Variants in CPPED1 observed in about 807,000 individuals in gnomAD.
CPPED1 encodes the protein calcineurin like phosphoesterase domain containing 1.
A neutral mutation model predicts 28.0 loss-of-function variants in CPPED1; 28 were observed. The ratio of observed to expected loss-of-function variants is 1.00; its 90% confidence interval spans 0.74 to 1.37. CPPED1 has a LOEUF of 1.37. Ranked by LOEUF, CPPED1 falls within the 40% of genes most tolerant of loss-of-function variation. The pLI, the probability that CPPED1 is intolerant of heterozygous loss-of-function variation, is 0.00. For missense variants in CPPED1, 504 were observed against 416.5 expected, an observed-to-expected ratio of 1.21 and a Z score of -1.83; for synonymous variants, 198 against 180.2, an observed-to-expected ratio of 1.10 and a Z score of -0.79.
chr16:12,740,551 C>T (rs1413399094), intron 2 of CPPED1, among the ~76,000 whole-genome samples: 1 of 152,014 alleles, frequency 6.6e-6, no homozygotes, highest in Admixed American at 6.6e-5. Context: ...TGGAGTTTAC[C>T]GTCTACTGGG....
At chr16:12,800,039 T>C (rs1490484371) in intron 1 of CPPED1, among the ~76,000 whole-genome samples, 1 of 152,178 alleles carries the variant, frequency 6.6e-6, no homozygotes, top group Non-Finnish European at 1.5e-5. Flanking sequence ...GGTGGCCCCC[T>C]GGCAGCTGCA....
chr16:12,778,142 T>C (rs911242241), intron 2 of CPPED1, among the ~76,000 whole-genome samples: 2 of 151,908 alleles, frequency 1.3e-5, no homozygotes, highest in Admixed American at 1.3e-4. Context: ...ACTCCTGACC[T>C]CAAGTGATCC....
chr16:12,796,853 T>C (rs897490569), intron 1 of CPPED1, among the ~76,000 whole-genome samples: 7 of 151,600 alleles, frequency 4.6e-5, no homozygotes, highest in East Asian at 1.9e-4. Flanking sequence ...AAAAAAAAAA[T>C]GTCCAAATGT....
At chr16:12,736,841 C>T (rs1271374281) in intron 2 of CPPED1, among the ~76,000 whole-genome samples, 3 of 152,010 alleles carry the variant, frequency 2.0e-5, no homozygotes, top group African/African-American at 4.8e-5. Context: ...CTAAGTGTTA[C>T]GGAGGGAAAC....
chr16:12,760,394 G>C (rs1279559261), intron 2 of CPPED1: 1 of 152,208 alleles, frequency 6.6e-6, no homozygotes, highest in Non-Finnish European at 1.5e-5. Context: ...ACGTGTCTCA[G>C]AAAGAACAAA....
intron 2 of CPPED1, among the ~76,000 whole-genome samples, chr16:12,742,907 G>A (rs1177922111): frequency 6.6e-6 from 1 of 152,158 alleles, no homozygotes; most frequent in African/African-American, 2.4e-5. Flanking sequence ...CAGGGAACCA[G>A]GCACCAGTTT....
chr16:12,758,953 A>G (rs946145674), intron 2 of CPPED1, among the ~76,000 whole-genome samples: 42 of 152,116 alleles, frequency 2.8e-4, no homozygotes, highest in Middle Eastern at 6.8e-3. Context: ...GCTTGAGCCC[A>G]GGAGTCTGAG....
Position 12,705,028 on chromosome 16 carries a change from T to TGCTCCGTCC in CPPED1, c.302_310dup (p.Arg101_Glu103dup). On this transcript the variant is annotated inframe_insertion, in exon 3 of 4. Transcript: ENST00000381774. ...AAGCACTCGCTTCAGGTCCTCCGTC[T>TGCTCCGTCC]GCTCCGTCCGCCACGGCTTCCCTGG... 1.2e-6 allele frequency: 2 copies of TGCTCCGTCC among 1,610,820 alleles called. No homozygotes were observed. Among genetic ancestry groups the TGCTCCGTCC allele is most frequent in the Non-Finnish European group, 1.7e-6 (2 of 1,177,376 alleles).
At chr16:12,671,499 G>T (rs560504329) in intron 3 of CPPED1, among the ~76,000 whole-genome samples, 1 of 152,260 alleles carries the variant, frequency 6.6e-6, no homozygotes, top group Admixed American at 6.5e-5. Context: ...GTGGGGTTCT[G>T]GGAGGCTGTA....
At chr16:12,733,815 GT>G in intron 2 of CPPED1, among the ~76,000 whole-genome samples, 1 of 152,096 alleles carries the variant, frequency 6.6e-6, no homozygotes, top group South Asian at 2.1e-4. Flanking sequence ...CCAATGAGGA[GT>G]TGTGCACTGC....
At chr16:12,740,943 A>G (rs1312071872) in intron 2 of CPPED1, among the ~76,000 whole-genome samples, 2 of 152,158 alleles carry the variant, frequency 1.3e-5, no homozygotes, top group African/African-American at 2.4e-5. Context: ...TAAGTGATCC[A>G]CCAGCTTTCC....
chr16:12,802,331 G>A (rs746512383), intron 1 of CPPED1, among the ~76,000 whole-genome samples: 6 of 152,218 alleles, frequency 3.9e-5, no homozygotes, highest in Admixed American at 6.5e-5. Context: ...GCCGGGCGCG[G>A]TGGCTCAGGT....
At chr16:12,717,809 T>A (rs1343021883) in intron 2 of CPPED1, among the ~76,000 whole-genome samples, 1 of 152,122 alleles carries the variant, frequency 6.6e-6, no homozygotes, top group Non-Finnish European at 1.5e-5. Flanking sequence ...GCCCAGCTAA[T>A]TTTTGTACTT....
chr16:12,714,505 T>A (rs1039130319), intron 2 of CPPED1, among the ~76,000 whole-genome samples: 1 of 152,220 alleles, frequency 6.6e-6, no homozygotes, highest in African/African-American at 2.4e-5. Flanking sequence ...TAAAATTTCA[T>A]TGTGGTTTCT....
chr16:12,745,611 G>A (rs1319914983), intron 2 of CPPED1, among the ~76,000 whole-genome samples: 2 of 152,220 alleles, frequency 1.3e-5, no homozygotes, highest in Non-Finnish European at 2.9e-5. Context: ...TTATAAGTGG[G>A]AATTAAATGA....
intron 2 of CPPED1, among the ~76,000 whole-genome samples, chr16:12,767,909 C>T (rs542306507): frequency 1.6e-3 from 251 of 152,168 alleles, no homozygotes; most frequent in African/African-American, 5.6e-3. Flanking sequence ...GAGCAGAGAT[C>T]GCGCCACTGC....
intron 2 of CPPED1, among the ~76,000 whole-genome samples, chr16:12,744,880 A>G (rs1210263725): frequency 6.6e-6 from 1 of 152,168 alleles, no homozygotes; most frequent in Non-Finnish European, 1.5e-5. Context: ...GCTACTTGGA[A>G]GGCTGAGAGT....
intron 2 of CPPED1, among the ~76,000 whole-genome samples, chr16:12,723,439 C>A (rs566963356): frequency 2.5e-4 from 38 of 152,256 alleles, no homozygotes; most frequent in African/African-American, 9.1e-4. Context: ...TTAGGGTGAG[C>A]CTTAGTTCAG....
chr16:12,710,479 A>G (rs1036566055), intron 2 of CPPED1, among the ~76,000 whole-genome samples: 9 of 151,924 alleles, frequency 5.9e-5, no homozygotes, highest in Non-Finnish European at 1.2e-4. Context: ...GAGGGGGGGA[A>G]CAGACAAATT....
Sources: gnomAD v4.1 joint callset for allele counts (sites outside exome capture counted in the v4.1 genomes callset) on GRCh38, gnomAD v4.1.1 for gene constraint, MANE v1.5 for transcripts, NCBI Gene and HGNC (gene_info 2026-07-23, HGNC 2026-07-21) for gene names.